The following PDE1A variants were observed in gnomAD, a reference collection of about 807,000 sequenced individuals.
PDE1A encodes phosphodiesterase 1A, also known as dual specificity calcium/calmodulin-dependent 3',5'-cyclic nucleotide phosphodiesterase 1A.
In PDE1A, 35 loss-of-function variants were observed where a neutral mutation model predicts 61.7. The observed-to-expected ratio is 0.57, with a 90% CI of 0.43 to 0.75. PDE1A has a LOEUF of 0.75. PDE1A is among the 30% of genes least tolerant of loss of function. PDE1A has a pLI of 0.00. For synonymous variants in PDE1A, 232 were observed against 213.2 expected (o/e 1.09, Z -0.77); for missense variants, 597 against 630.6 (o/e 0.95, Z 0.57).
At chr2:182,289,093 A>T (rs1042602223) in intron 1 of PDE1A, among the ~76,000 whole-genome samples, 2 of 151,886 alleles carry the variant, frequency 1.3e-5, no homozygotes, top group East Asian at 3.9e-4. Flanking sequence ...GACCTTTAGA[A>T]TCTACATGAT....
chr2:182,179,533 G>A lies in PDE1A; in HGVS notation c.1516+6359C>T, dbSNP rs73041809. Among the ~76,000 whole-genome samples, 1,103 of 152,250 alleles carry A rather than the reference G, an allele frequency of 7.2e-3. 11 individuals are homozygous for A. The highest frequency in any genetic ancestry group is 0.024 in the African/African-American group (1,011 of 41,580). On this transcript the variant is annotated intron_variant, in intron 13 of 13. Transcript: ENST00000351439. The stretch of plus-strand genomic sequence containing the variant: ...AAAACAATAATTAGCTCATGGGTGG[G>A]AGAGAAGGAAATAAATGATTAGAGA...
chr2:182,604,992 T>A, the PDE1A span, among the ~76,000 whole-genome samples: 45 of 151,834 alleles, frequency 3.0e-4, no homozygotes, highest in South Asian at 6.5e-3. Context: ...GTGGCCAGCT[T>A]CAGAATCACT....
the PDE1A span, among the ~76,000 whole-genome samples, chr2:182,625,594 G>C: frequency 2.6e-5 from 4 of 152,180 alleles, no homozygotes; most frequent in Non-Finnish European, 4.4e-5. Flanking sequence ...TGGCTGAATG[G>C]ATGGATACAA....
intron 1 of PDE1A, among the ~76,000 whole-genome samples, chr2:182,343,070 A>C (rs1316908616): frequency 6.6e-6 from 1 of 152,232 alleles, no homozygotes; most frequent in East Asian, 1.9e-4. Context: ...TATGGAGTGG[A>C]TACATTGTCT....
chr2:182,647,457 A>T, the PDE1A span, among the ~76,000 whole-genome samples: 1 of 152,156 alleles, frequency 6.6e-6, no homozygotes, highest in Admixed American at 6.5e-5. Context: ...TGGTATCTTT[A>T]TGTGCTTTGT....
the PDE1A span, among the ~76,000 whole-genome samples, chr2:182,658,645 C>T: frequency 6.6e-6 from 1 of 152,140 alleles, no homozygotes; most frequent in African/African-American, 2.4e-5. Flanking sequence ...AGGAGTGGTA[C>T]TCTATTAATA....
the PDE1A span, among the ~76,000 whole-genome samples, chr2:182,683,396 A>G: frequency 6.6e-6 from 1 of 152,000 alleles, no homozygotes; most frequent in Admixed American, 6.5e-5. Flanking sequence ...TGTTTTCAAA[A>G]CAAGTATAAT....
chr2:182,147,249 A>C (rs1690545161), intron 13 of PDE1A, 97 bp from the exon 14 acceptor site: 2 of 618,028 alleles, frequency 3.2e-6, no homozygotes, highest in Non-Finnish European at 5.4e-6. Flanking sequence ...AAAATGTTGA[A>C]GACTGAATTT....
chr2:182,215,535 A>G (rs1418434126), intron 7 of PDE1A, among the ~76,000 whole-genome samples: 3 of 151,106 alleles, frequency 2.0e-5, no homozygotes, highest in Non-Finnish European at 4.4e-5. Flanking sequence ...TAATAAAGAA[A>G]AAAAGAGAGA....
At chr2:182,682,886 T>G in the PDE1A span, among the ~76,000 whole-genome samples, 1 of 152,136 alleles carries the variant, frequency 6.6e-6, no homozygotes, top group Non-Finnish European at 1.5e-5. Flanking sequence ...CTGAGGTAGA[T>G]GTCTGAGGAC....
chr2:182,553,697 G>C, the PDE1A span, among the ~76,000 whole-genome samples: 3 of 152,328 alleles, frequency 2.0e-5, no homozygotes, highest in Admixed American at 2.0e-4. Flanking sequence ...GAGGAGTTGA[G>C]AGACTTCTCA....
chr2:182,499,323 C>T (rs1364686723), intron 2 of PDE1A, among the ~76,000 whole-genome samples: 3 of 151,950 alleles, frequency 2.0e-5, no homozygotes, highest in Non-Finnish European at 4.4e-5. Flanking sequence ...ACTACAGGCG[C>T]CCGCAACTGT....
the PDE1A span, among the ~76,000 whole-genome samples, chr2:182,590,185 G>C: frequency 6.6e-6 from 1 of 152,190 alleles, no homozygotes; most frequent in Non-Finnish European, 1.5e-5. Flanking sequence ...TATAAACGTA[G>C]TTAGGCATGG....
the PDE1A span, among the ~76,000 whole-genome samples, chr2:182,614,882 G>A: frequency 6.6e-6 from 1 of 152,116 alleles, no homozygotes; most frequent in Non-Finnish European, 1.5e-5. Context: ...TACCTGAGGA[G>A]ATGCTCACAA....
At chr2:182,173,938 G>A (rs1029994399) in intron 13 of PDE1A, among the ~76,000 whole-genome samples, 1 of 151,908 alleles carries the variant, frequency 6.6e-6, no homozygotes, top group Non-Finnish European at 1.5e-5. Context: ...ACATGTTTTC[G>A]TTACTTTCAA....
chr2:182,144,815 T>C (rs945124666), downstream of PDE1A, among the ~76,000 whole-genome samples: 11 of 152,172 alleles, frequency 7.2e-5, no homozygotes. Context: ...TTTGGGCCAA[T>C]AGGAAAAATT....
chr2:182,532,288 T>C, the PDE1A span, among the ~76,000 whole-genome samples: 1 of 152,216 alleles, frequency 6.6e-6, no homozygotes, highest in Non-Finnish European at 1.5e-5. Context: ...ACATAATGGA[T>C]ATGCTAATTA....
chr2:182,255,617 A>G (rs2623423), intron 2 of PDE1A, among the ~76,000 whole-genome samples: 110,191 of 151,052 alleles, frequency 0.73, 40,864 homozygotes, highest in African/African-American at 0.88. Flanking sequence ...GCACTAGTTA[A>G]CTCCAAGTTC....
At chr2:182,617,006 A>G in the PDE1A span, among the ~76,000 whole-genome samples, 1 of 152,206 alleles carries the variant, frequency 6.6e-6, no homozygotes, top group Non-Finnish European at 1.5e-5. Context: ...TGTGTGACAA[A>G]GAATTAATCT....
Sources: allele counts gnomAD v4.1 joint callset (sites outside exome capture counted in the v4.1 genomes callset), GRCh38; gene constraint gnomAD v4.1.1; transcripts MANE v1.5; gene names NCBI Gene and HGNC (gene_info 2026-07-23, HGNC 2026-07-21).